Variants in TDRD12 observed in about 807,000 individuals in gnomAD.
TDRD12 encodes the protein tudor domain containing 12.
Under a neutral mutation model 133.5 loss-of-function variants are expected in TDRD12, and 158 were observed. The observed-to-expected ratio is 1.18, with a 90% CI of 1.04 to 1.35. The LOEUF (loss-of-function observed/expected upper bound fraction) is 1.35, where lower values mean the gene tolerates loss of function less well. Among genes scored for constraint, TDRD12 ranks in the 40% most tolerant of loss-of-function variants. The pLI, the probability that TDRD12 is intolerant of heterozygous loss-of-function variation, is 0.00. For synonymous variants in TDRD12, 460 were observed against 477.9 expected (o/e 0.96, Z 0.49); for missense variants, 1,443 against 1,321.3 (o/e 1.09, Z -1.43).
chr19:32,807,267 TAAAAAAAAAAA>T (rs59421213), intron 21 of TDRD12, among the ~76,000 whole-genome samples: 13,020 of 47,254 alleles, frequency 0.28, 871 homozygotes, highest in East Asian at 0.35. Flanking sequence ...ACCAAACTCT[TAAAAAAAAAAA>T]AAAAAAAAAA....
At chr19:32,726,733 T>C (rs574575911) in intron 1 of TDRD12, among the ~76,000 whole-genome samples, 1 of 152,126 alleles carries the variant, frequency 6.6e-6, no homozygotes, top group Admixed American at 6.5e-5. Context: ...CAAGACCCTG[T>C]CTCTTAAAAA....
chr19:32,779,258 G>T (rs998001696), intron 11 of TDRD12, among the ~76,000 whole-genome samples: 1 of 152,188 alleles, frequency 6.6e-6, no homozygotes, highest in African/African-American at 2.4e-5. Context: ...TCATTGCCAG[G>T]GGCCAGGTGT....
intron 5 of TDRD12, among the ~76,000 whole-genome samples, chr19:32,749,081 G>A (rs973519601): frequency 6.6e-6 from 1 of 152,108 alleles, no homozygotes; most frequent in African/African-American, 2.4e-5. Flanking sequence ...AAACACCTGG[G>A]GTGCTGCCTG....
intron 6 of TDRD12, among the ~76,000 whole-genome samples, chr19:32,754,394 G>T (rs1471710805): frequency 6.6e-6 from 1 of 152,054 alleles, no homozygotes; most frequent in African/African-American, 2.4e-5. Context: ...ACTTGTGCCT[G>T]GGAGGCAGAG....
intron 8 of TDRD12, among the ~76,000 whole-genome samples, chr19:32,758,900 C>G (rs183345280): frequency 8.6e-4 from 131 of 152,004 alleles, no homozygotes; most frequent in African/African-American, 3.0e-3. Context: ...TGTCATTGCA[C>G]TCCAGCCTGG....
chr19:32,816,201 CAAAT>C (rs1005235924), intron 26 of TDRD12, among the ~76,000 whole-genome samples: 1 of 152,084 alleles, frequency 6.6e-6, no homozygotes, highest in African/African-American at 2.4e-5. Flanking sequence ...TTTTTCTTGA[CAAAT>C]AACGCACACA....
chr19:32,733,150 C>A (rs984846862), intron 2 of TDRD12, among the ~76,000 whole-genome samples: 1 of 151,978 alleles, frequency 6.6e-6, no homozygotes, highest in East Asian at 1.9e-4. Flanking sequence ...CTAGCCTGGG[C>A]GAGACAGCGA....
At chr19:32,719,864 G>C (rs1351867054) in exon 1 of TDRD12, 1 of 611,094 alleles carries the variant, frequency 1.6e-6, no homozygotes, top group Non-Finnish European at 2.9e-6. Context: ...AGGACGGAGC[G>C]CATTGCCTCG....
chr19:32,785,450 G>A (rs1970879801), intron 11 of TDRD12, among the ~76,000 whole-genome samples: 1 of 152,184 alleles, frequency 6.6e-6, no homozygotes, highest in South Asian at 2.1e-4. Flanking sequence ...ATTTGGTGTG[G>A]AGAGTTCTGT....
intron 4 of TDRD12, among the ~76,000 whole-genome samples, chr19:32,743,982 C>A (rs1046929396): frequency 6.7e-6 from 1 of 148,494 alleles, no homozygotes; most frequent in Admixed American, 6.7e-5. Flanking sequence ...GAGCCGAAAT[C>A]GCACCACTGC....
At chr19:32,774,798 C>CA (rs1287856979) in intron 10 of TDRD12, among the ~76,000 whole-genome samples, 2 of 152,106 alleles carry the variant, frequency 1.3e-5, no homozygotes, top group Non-Finnish European at 2.9e-5. Flanking sequence ...GCCTGGCCAA[C>CA]ATGGTGAAAC....
chr19:32,807,421 CA>C (rs1230133689), intron 21 of TDRD12, 127 bp from the exon 22 acceptor site: 2 of 495,798 alleles, frequency 4.0e-6, no homozygotes, highest in Non-Finnish European at 3.4e-6. Context: ...TGTGGTTATT[CA>C]GTCTTTAGGG....
intron 10 of TDRD12, among the ~76,000 whole-genome samples, chr19:32,775,442 G>A (rs968689511): frequency 1.3e-5 from 2 of 151,976 alleles, no homozygotes; most frequent in East Asian, 1.9e-4. Flanking sequence ...GCGATCCTCC[G>A]GCCCCAGCCT....
At chr19:32,719,970 A>T (rs1193938419) in exon 1 of TDRD12, 3 of 1,402,762 alleles carry the variant, frequency 2.1e-6, no homozygotes, top group Non-Finnish European at 2.9e-6. Flanking sequence ...GAAGGAACGC[A>T]CTCGCGGCGG....
At chr19:32,793,416 A>T (rs957022663) in intron 13 of TDRD12, among the ~76,000 whole-genome samples, 4 of 152,136 alleles carry the variant, frequency 2.6e-5, no homozygotes, top group African/African-American at 7.2e-5. Context: ...TTGCAGACAA[A>T]AGGTGATGGT....
chr19:32,753,320 A>G (rs1969891249), intron 6 of TDRD12, among the ~76,000 whole-genome samples: 1 of 152,150 alleles, frequency 6.6e-6, no homozygotes, highest in Non-Finnish European at 1.5e-5. Context: ...GATATCTCTG[A>G]TTTGAATCCA....
In TDRD12 at chr19:32,756,063, T is replaced by C. The variant is rs1326319611; in HGVS notation, c.654T>C (p.Leu218=). The change falls in exon 7 of 28, where the codon CTT becomes CTC. Residue 218 remains leucine (L), a synonymous_variant. Coordinates refer to ENST00000444215, the Ensembl canonical transcript of TDRD12. ...TGTCACCTACAAAGAATAAAAACCT[T>C]GATTATTTAGAAAAACCAAGATTGA... 5.4e-6 allele frequency: 8 copies of C among 1,483,276 alleles called. No individual in the cohort carries two copies. In the South Asian group the frequency reaches 8.4e-5, roughly 16 times the overall value. 91.9% of individuals were successfully genotyped at this position (1,483,276 alleles called of 1,614,324 possible).
At chr19:32,788,793 C>T (rs1306965461) in intron 11 of TDRD12, among the ~76,000 whole-genome samples, 2 of 152,106 alleles carry the variant, frequency 1.3e-5, no homozygotes, top group African/African-American at 2.4e-5. Flanking sequence ...GTGGGTCTCT[C>T]TGGGGAGCGA....
chr19:32,788,502 G>T (rs1970975428), intron 11 of TDRD12, among the ~76,000 whole-genome samples: 1 of 151,958 alleles, frequency 6.6e-6, no homozygotes, highest in South Asian at 2.1e-4. Context: ...AATTTGCAAG[G>T]GTTTTCCTTT....
Sources: gnomAD v4.1 joint callset for allele counts (sites outside exome capture counted in the v4.1 genomes callset) on GRCh38, gnomAD v4.1.1 for gene constraint, MANE v1.5 for transcripts, NCBI Gene and HGNC (gene_info 2026-07-23, HGNC 2026-07-21) for gene names.